Variants in CEP250 observed in about 807,000 individuals in gnomAD.
The protein encoded by CEP250 is centrosome-associated protein CEP250.
A neutral mutation model predicts 315.7 loss-of-function variants in CEP250; 242 were observed. The ratio of observed to expected loss-of-function variants is 0.77; its 90% CI spans 0.69 to 0.85. The LOEUF (loss-of-function observed/expected upper bound fraction) is 0.85. CEP250 is among the 40% of genes least tolerant of loss of function. The probability of loss-of-function intolerance (pLI) is 0.00; values close to 1 mark genes in which losing one functional copy is unlikely to be tolerated. For missense variants in CEP250, 2,515 were observed against 2,886.4 expected (o/e 0.87, Z 2.95); for synonymous variants, 1,088 against 1,175.0 (o/e 0.93, Z 1.51).
intron 9 of CEP250, among the ~76,000 whole-genome samples, chr20:35,468,826 C>T (rs1263143471): frequency 6.6e-6 from 1 of 152,132 alleles, no homozygotes; most frequent in Non-Finnish European, 1.5e-5. Context: ...CAGGCACGCA[C>T]CACTATGCCT....
At position 35,479,365 on chromosome 20, in the gene CEP250, G is replaced by T. The variant is rs374598115; in HGVS notation, c.2229G>T (p.Val743=). The T allele has an allele frequency of 1.5e-5, 25 of 1,614,096 alleles. No homozygotes were observed. Among genetic ancestry groups the T allele is most frequent in the Non-Finnish European group, 1.9e-5 (22 of 1,180,046 alleles). ...ALVREKAALE[V]RLQAVERDRQ... The stretch of plus-strand genomic sequence containing the variant: ...TACGAGAGAAAGCGGCTCTAGAGGT[G>T]CGGCTGCAGGCCGTGGAGCGTGACC... The change falls in exon 18 of 35, where the codon GTG becomes GTT. Residue 743 remains valine (V), a synonymous_variant. Transcript: ENST00000397527.
chr20:35,476,173 T>C, intron 15 of CEP250: 1 of 296,906 alleles, frequency 3.4e-6, no homozygotes, highest in Non-Finnish European at 6.4e-6. Context: ...TATATTAATA[T>C]TTTTTTTAGT....
chr20:35,503,195 G>A lies in CEP250; in HGVS notation c.4826G>A (p.Ser1609Asn). The A allele has an allele frequency of 1.2e-6, 2 of 1,614,168 alleles. No homozygotes were observed. Among genetic ancestry groups the A allele is most frequent in the East Asian group, 2.2e-5 (1 of 44,884 alleles). Residue 1609 changes from serine to asparagine, a missense_variant, in exon 30 of 35, where the codon AGC becomes AAC. Physicochemically the swap from Ser to Asn is conservative, Grantham distance 46. Transcript: ENST00000397527. This position sits in a 1 kb window ranked among gnomAD's most constrained non-coding sequence, Gnocchi z 4.2. ...AGCCAGGAGCTGCAGGCACAAAGCA[G>A]CCAGATCCATGACCTGGAGAGCCAC... is the stretch of plus-strand genomic sequence containing the variant. The part of the protein sequence containing the change: ...ERSQELQAQS[S>N]QIHDLESHST...
intron 30 of CEP250, among the ~76,000 whole-genome samples, chr20:35,507,066 G>A (rs1348481355): frequency 6.6e-6 from 1 of 152,164 alleles, no homozygotes; most frequent in Non-Finnish European, 1.5e-5. Context: ...TGGCAGGACT[G>A]GAATGAGGTC....
At chr20:35,477,343 T>TG (rs1484697307) in intron 16 of CEP250, among the ~76,000 whole-genome samples, 1 of 151,878 alleles carries the variant, frequency 6.6e-6, no homozygotes, top group East Asian at 1.9e-4. Context: ...TTAGTAGAGA[T>TG]GGGGTTTCAC....
chr20:35,460,744 A>G (rs955627704), intron 3 of CEP250, among the ~76,000 whole-genome samples: 2 of 152,368 alleles, frequency 1.3e-5, no homozygotes, highest in Non-Finnish European at 2.9e-5. Context: ...CTTAAAAACT[A>G]TTATGTGGGC....
Position 35,473,412 on chromosome 20 carries a change from G to A in CEP250, c.1248G>A (p.Val416=), listed in dbSNP as rs2063076159. 6.2e-7 allele frequency: 1 copy of A among 1,614,068 alleles called. No individual in the cohort carries two copies. The highest frequency in any genetic ancestry group is 1.3e-5 in the African/African-American group (1 of 75,040). Reference sequence around the variant, plus strand: ...AGCTTGCAGGCTGTCAAGAGGCTGTGAACTTGTTGCAACAGCAGCATGATC... The same window carrying A: ...AGCTTGCAGGCTGTCAAGAGGCTGTAAACTTGTTGCAACAGCAGCATGATC... ...RQQLAGCQEA[V]NLLQQQHDQW... The change falls in exon 13 of 35, where the codon GTG becomes GTA. Residue 416 remains valine, a synonymous_variant. Transcript: ENST00000397527.
At chr20:35,496,408 C>T (rs758725631) in intron 24 of CEP250, among the ~76,000 whole-genome samples, 169 bp from the exon 25 acceptor site, 5 of 151,966 alleles carry the variant, frequency 3.3e-5, no homozygotes, top group Non-Finnish European at 1.5e-5. Context: ...CCTAGGAGCA[C>T]TTATTATAGT....
At chr20:35,470,427 A>G (rs1174758823) in intron 10 of CEP250, among the ~76,000 whole-genome samples, 2 of 152,204 alleles carry the variant, frequency 1.3e-5, no homozygotes, top group African/African-American at 2.4e-5. Context: ...CTGCCTTCAC[A>G]TATCTGAAGG....
chr20:35,488,139 T>C (rs1241929395), intron 20 of CEP250, among the ~76,000 whole-genome samples: 1 of 152,256 alleles, frequency 6.6e-6, no homozygotes, highest in East Asian at 1.9e-4. Context: ...ATACCAGCAA[T>C]GCTGGACTGT....
Position 35,498,721 on chromosome 20 carries a change from G to A in CEP250, c.3777+5G>A. On this transcript the variant is annotated splice_donor_5th_base_variant and intron_variant, in intron 27 of 34. Transcript: ENST00000397527. ...TGGAAGACTCAACAGACCCGGGTAT[G>A]TTTCTCTGCTCCCCTTTCCCGAACT... 3.8e-6 allele frequency: 6 copies of A among 1,564,234 alleles called. No homozygotes were observed. The highest frequency in any genetic ancestry group is 5.2e-6 in the Non-Finnish European group (6 of 1,162,466).
At chr20:35,468,304 T>C (rs1293872998) in intron 9 of CEP250, among the ~76,000 whole-genome samples, 4 of 152,226 alleles carry the variant, frequency 2.6e-5, no homozygotes, top group African/African-American at 4.8e-5. Context: ...GCTAAGTTAC[T>C]GTGCCCTTGT....
At chr20:35,461,718 G>A (rs925307094) in intron 3 of CEP250, among the ~76,000 whole-genome samples, 10 of 152,272 alleles carry the variant, frequency 6.6e-5, no homozygotes, top group Non-Finnish European at 8.8e-5. Flanking sequence ...ATAATAGTAC[G>A]TTTGGTGAAG....
chr20:35,487,118 G>A (rs56809997), intron 20 of CEP250, among the ~76,000 whole-genome samples: 11,954 of 151,936 alleles, frequency 0.079, 583 homozygotes, highest in African/African-American at 0.15. Flanking sequence ...TAAAACTCTC[G>A]ACAGCCTGTT....
intron 12 of CEP250, among the ~76,000 whole-genome samples, 176 bp downstream of exon 12, chr20:35,473,007 C>A (rs973839460): frequency 6.6e-6 from 1 of 152,154 alleles, no homozygotes; most frequent in African/African-American, 2.4e-5. Flanking sequence ...TTGTGAGTAG[C>A]AGGCACATCC....
At chr20:35,456,225 A>G (rs373489359) in intron 1 of CEP250, among the ~76,000 whole-genome samples, 4 of 152,164 alleles carry the variant, frequency 2.6e-5, no homozygotes, top group East Asian at 3.9e-4. Context: ...CAACAATCCT[A>G]TGGGGTGAGT....
At chr20:35,496,523 T>C in intron 24 of CEP250, 54 bp from the exon 25 acceptor site, 2 of 1,505,490 alleles carry the variant, frequency 1.3e-6, no homozygotes, top group Non-Finnish European at 1.8e-6. Flanking sequence ...GATGAGAAGG[T>C]AATTTTTCAT....
rs1184853425 is a variant in CEP250, at chr20:35,498,685, A to G, written c.3746A>G (p.His1249Arg). 2 of 1,601,966 alleles carry G rather than the reference A, an allele frequency of 1.2e-6. No individual in the cohort carries two copies. The highest frequency in any genetic ancestry group is 2.3e-5 in the South Asian group (2 of 88,884). ...EAVASALHKLHQDLWKTQQTR... is the reference protein window; with the variant it reads ...EAVASALHKLRQDLWKTQQTR... Reference sequence around the variant, plus strand: ...GTAGCATCTGCCCTCCACAAGCTTCATCAAGACCTGTGGAAGACTCAACAG... The same window carrying G: ...GTAGCATCTGCCCTCCACAAGCTTCGTCAAGACCTGTGGAAGACTCAACAG... The change falls in exon 27 of 35, where the codon CAT (histidine) becomes CGT (arginine). Residue 1249 changes from histidine (H) to arginine (R), a missense_variant. His to Arg is a conservative substitution (Grantham distance 29). Coordinates refer to ENST00000397527, the MANE Select transcript of CEP250 (RefSeq NM_007186.6).
chr20:35,506,393 C>G (rs2064185477), intron 30 of CEP250, among the ~76,000 whole-genome samples: 1 of 152,144 alleles, frequency 6.6e-6, no homozygotes, highest in Non-Finnish European at 1.5e-5. Context: ...ATTATTTAAC[C>G]TCAAGGTCAA....
Sources: allele counts gnomAD v4.1 joint callset (sites outside exome capture counted in the v4.1 genomes callset), GRCh38; gene constraint gnomAD v4.1.1; non-coding constraint Gnocchi (gnomAD v3.1); transcripts MANE v1.5; gene names NCBI Gene and HGNC (gene_info 2026-07-23, HGNC 2026-07-21).